RAB31: variants seen among roughly 807,000 people sequenced by gnomAD.
RAB31 encodes RAB31, member RAS oncogene family.
RAB31 carries 21 observed loss-of-function variants against 25.6 expected under a neutral mutation model. The observed-to-expected ratio is 0.82, with a 90% CI of 0.58 to 1.18. RAB31 has a LOEUF of 1.18. Among genes scored for constraint, RAB31 ranks in the 50% most tolerant of loss-of-function variants. RAB31 has a pLI of 0.00. For synonymous variants in RAB31, 87 were observed against 84.0 expected, an observed-to-expected ratio of 1.04 and a Z score of -0.20; for missense variants, 196 against 250.1, an observed-to-expected ratio of 0.78 and a Z score of 1.46.
At chr18:9,850,444 C>T (rs1352256887) in intron 6 of RAB31, among the ~76,000 whole-genome samples, 2 of 152,108 alleles carry the variant, frequency 1.3e-5, no homozygotes, top group South Asian at 2.1e-4. Flanking sequence ...ATTTTAATTA[C>T]TTAACTCGAA....
chr18:9,753,794 G>A (rs1009745194), intron 1 of RAB31, among the ~76,000 whole-genome samples: 1 of 152,160 alleles, frequency 6.6e-6, no homozygotes, highest in Non-Finnish European at 1.5e-5. Flanking sequence ...TGTGTAAAAT[G>A]GGAACGATGA....
intron 2 of RAB31, among the ~76,000 whole-genome samples, chr18:9,778,047 C>T (rs2068382416): frequency 6.6e-6 from 1 of 152,096 alleles, no homozygotes; most frequent in Non-Finnish European, 1.5e-5. Flanking sequence ...GCCACTGCAC[C>T]CGGCCTGTAA....
chr18:9,813,935 A>T, intron 3 of RAB31, 85 bp from the exon 4 acceptor site: 1 of 861,416 alleles, frequency 1.2e-6, no homozygotes, highest in Non-Finnish European at 1.9e-6. Flanking sequence ...TGTAAGGATG[A>T]TGTAGGATAA....
At chr18:9,857,260 A>T (rs62078777) in intron 6 of RAB31, among the ~76,000 whole-genome samples, 16,931 of 140,014 alleles carry the variant, frequency 0.12, 982 homozygotes, top group South Asian at 0.19. Context: ...GTGACTGTCT[A>T]TACCATCTGA....
intron 2 of RAB31, among the ~76,000 whole-genome samples, chr18:9,784,028 G>C (rs1407572039): frequency 1.3e-5 from 2 of 152,030 alleles, no homozygotes; most frequent in Non-Finnish European, 2.9e-5. Flanking sequence ...GCTTATTTAT[G>C]TATTTTTATA....
chr18:9,790,473 C>A (rs531176222), intron 2 of RAB31, among the ~76,000 whole-genome samples: 2 of 152,034 alleles, frequency 1.3e-5, no homozygotes, highest in Non-Finnish European at 2.9e-5. Flanking sequence ...TGGCCTCAAG[C>A]CATCCTCCTG....
intron 3 of RAB31, among the ~76,000 whole-genome samples, chr18:9,803,865 A>G (rs2068526245): frequency 6.6e-6 from 1 of 152,214 alleles, no homozygotes; most frequent in East Asian, 1.9e-4. Context: ...CTGTCGTGCC[A>G]TTTGCGGGGG....
chr18:9,723,894 A>G (rs2068084320), intron 1 of RAB31, among the ~76,000 whole-genome samples: 1 of 152,222 alleles, frequency 6.6e-6, no homozygotes, highest in Non-Finnish European at 1.5e-5. Flanking sequence ...CCACCTCCCA[A>G]CGCTATTACA....
At chr18:9,770,271 T>C (rs2068337542) in intron 1 of RAB31, among the ~76,000 whole-genome samples, 1 of 152,152 alleles carries the variant, frequency 6.6e-6, no homozygotes, top group Admixed American at 6.5e-5. Context: ...TGTTAGCAGC[T>C]CCTCCTTGTA....
rs541891800 is a variant in RAB31 at position 9,728,697 on chromosome 18, C to T, written c.39+20253C>T. ...GGATTACAGGTGTTTGCCACCACAC[C>T]TGGCTAATTTTTGTATTTTTAGTAG... On this transcript the variant is annotated intron_variant, in intron 1 of 6. Transcript: ENST00000578921. Among the ~76,000 whole-genome samples the T allele has an allele frequency of 2.6e-5, 4 of 152,162 alleles. No homozygotes were observed. In the East Asian group the frequency reaches 7.7e-4, roughly 29 times the overall value.
chr18:9,775,596 A>G (rs559339516), intron 2 of RAB31, among the ~76,000 whole-genome samples: 20 of 151,450 alleles, frequency 1.3e-4, no homozygotes, highest in African/African-American at 1.9e-4. Context: ...TCCTAAGGTC[A>G]TTTCCTTGAT....
chr18:9,813,489 A>G (rs1433947588), intron 3 of RAB31, among the ~76,000 whole-genome samples: 1 of 152,258 alleles, frequency 6.6e-6, no homozygotes, highest in East Asian at 1.9e-4. Context: ...TTTACCCAAC[A>G]GTAGATTTCA....
chr18:9,840,844 T>C (rs2068729777), intron 5 of RAB31, among the ~76,000 whole-genome samples: 1 of 152,168 alleles, frequency 6.6e-6, no homozygotes, highest in African/African-American at 2.4e-5. Context: ...TTCACTAGAA[T>C]GGACTCACAG....
chr18:9,860,153 A>G lies in RAB31; in HGVS notation c.*828A>G, dbSNP rs904144347. ...GGAATACATTCGTCCTCTCTTAGAG[A>G]AGTTTAACGCACATAGTATTATTTT... On this transcript the variant is annotated 3_prime_UTR_variant, in exon 7 of 7. Transcript: ENST00000578921. 3 of 152,202 alleles carry G rather than the reference A, an allele frequency of 2.0e-5. No homozygotes were observed. The highest frequency in any genetic ancestry group is 4.4e-5 in the Non-Finnish European group (3 of 68,044). The allele number at this position is 152,202 out of a possible 1,614,324, so 9.4% of individuals were successfully genotyped here.
At chr18:9,840,240 T>C (rs138880448) in intron 5 of RAB31, among the ~76,000 whole-genome samples, 4 of 152,352 alleles carry the variant, frequency 2.6e-5, no homozygotes, top group African/African-American at 9.6e-5. Context: ...TAGATTGGTC[T>C]AGAAAGTCTA....
intron 3 of RAB31, among the ~76,000 whole-genome samples, chr18:9,809,039 G>GGTGTGT (rs560390467): frequency 2.7e-5 from 3 of 111,086 alleles, no homozygotes; most frequent in African/African-American, 8.2e-5. Flanking sequence ...GCTGCTGAGG[G>GGTGTGT]GTGTGTGTGT....
At chr18:9,713,792 G>T (rs1227002937) in intron 1 of RAB31, among the ~76,000 whole-genome samples, 4 of 152,174 alleles carry the variant, frequency 2.6e-5, no homozygotes, top group African/African-American at 9.7e-5. Context: ...AGACCAAGGC[G>T]CTGGCAGATC....
intron 2 of RAB31, among the ~76,000 whole-genome samples, chr18:9,788,391 T>A (rs2068444019): frequency 6.6e-6 from 1 of 152,124 alleles, no homozygotes; most frequent in African/African-American, 2.4e-5. Context: ...ATACAAAAAA[T>A]AACAAGTGCT....
At chr18:9,839,122 A>G (rs1051140521) in intron 5 of RAB31, among the ~76,000 whole-genome samples, 9 of 152,196 alleles carry the variant, frequency 5.9e-5, no homozygotes, top group Non-Finnish European at 7.3e-5. Context: ...ACAGCTTCAC[A>G]AGGAGATGGT....
Sources: allele counts gnomAD v4.1 joint callset (sites outside exome capture counted in the v4.1 genomes callset), GRCh38; gene constraint gnomAD v4.1.1; transcripts MANE v1.5; gene names NCBI Gene and HGNC (gene_info 2026-07-23, HGNC 2026-07-21).